The following PALS2 variants were observed in gnomAD, a reference collection of about 807,000 sequenced individuals.
PALS2 encodes protein PALS2.
In PALS2, 27 loss-of-function variants were observed where a neutral mutation model predicts 61.6. The ratio of observed to expected loss-of-function variants is 0.44; its 90% confidence interval spans 0.32 to 0.60. PALS2 has a LOEUF of 0.60. Ranked by LOEUF, PALS2 falls within the 20% of genes least tolerant of loss-of-function variation. PALS2 has a pLI of 0.05. For synonymous variants in PALS2, 236 were observed against 218.6 expected, an observed-to-expected ratio of 1.08 and a Z score of -0.70; for missense variants, 554 against 639.4, an observed-to-expected ratio of 0.87 and a Z score of 1.44.
At chr7:24,681,010 G>T (rs537276796) in intron 11 of PALS2, among the ~76,000 whole-genome samples, 62 of 152,216 alleles carry the variant, frequency 4.1e-4, no homozygotes, top group African/African-American at 1.3e-3. Flanking sequence ...GAAAATCATT[G>T]TACACTTTAT....
chr7:24,623,902 A>G (rs553602600), intron 2 of PALS2, 118 bp downstream of exon 2: 3 of 965,360 alleles, frequency 3.1e-6, no homozygotes, highest in Non-Finnish European at 4.6e-6. Context: ...GTTAGCAAAT[A>G]AAAACATTCA....
chr7:24,589,157 G>A lies in PALS2; in HGVS notation c.-3+15564G>A, dbSNP rs1057390480. ...TTCTTTTAGTAGATACTTCCTGTCT[G>A]CTTTGTATACACATCAATTATATCT... On this transcript the variant is annotated intron_variant, in intron 1 of 11. Transcript: ENST00000222644. 3 of 152,058 alleles carry A rather than the reference G, an allele frequency of 2.0e-5. No individual in the cohort carries two copies. In the East Asian group the frequency reaches 5.8e-4, roughly 29 times the overall value. 9.4% of individuals were successfully genotyped at this position (152,058 alleles called of 1,614,324 possible).
At chr7:24,630,288 T>C (rs1041734871) in intron 2 of PALS2, among the ~76,000 whole-genome samples, 2 of 151,604 alleles carry the variant, frequency 1.3e-5, no homozygotes, top group African/African-American at 4.8e-5. Flanking sequence ...ATGAAGAACA[T>C]ATGGACACAG....
intron 1 of PALS2, among the ~76,000 whole-genome samples, chr7:24,616,700 TTTG>T (rs1784304416): frequency 6.6e-6 from 1 of 152,148 alleles, no homozygotes; most frequent in African/African-American, 2.4e-5. Context: ...CTCCTGTCAT[TTTG>T]TTGTTTTATT....
At chr7:24,681,004 A>T (rs1787896274) in intron 11 of PALS2, among the ~76,000 whole-genome samples, 1 of 152,228 alleles carries the variant, frequency 6.6e-6, no homozygotes, top group South Asian at 2.1e-4. Flanking sequence ...TTACTTGAAA[A>T]TCATTGTACA....
chr7:24,624,688 C>T (rs532702445), intron 2 of PALS2, among the ~76,000 whole-genome samples: 14 of 145,670 alleles, frequency 9.6e-5, no homozygotes, highest in African/African-American at 3.1e-4. Flanking sequence ...CTCACTGCAA[C>T]CTCTGCCTGC....
intron 9 of PALS2, among the ~76,000 whole-genome samples, chr7:24,677,954 G>T (rs897830845): frequency 6.6e-6 from 1 of 152,178 alleles, no homozygotes; most frequent in South Asian, 2.1e-4. Flanking sequence ...TATGTCTTAG[G>T]CTTATTAGAA....
intron 11 of PALS2, among the ~76,000 whole-genome samples, chr7:24,683,394 T>C (rs538746669): frequency 6.6e-6 from 1 of 152,204 alleles, no homozygotes; most frequent in Admixed American, 6.5e-5. Flanking sequence ...TTTGTTTTTT[T>C]AGTTTCATGA....
intron 5 of PALS2, among the ~76,000 whole-genome samples, chr7:24,655,977 T>G (rs1786395176): frequency 1.3e-5 from 2 of 152,204 alleles, no homozygotes; most frequent in South Asian, 4.1e-4. Context: ...ATCAAAAATG[T>G]GTGTGTACAT....
chr7:24,590,413 C>G (rs1420405499), intron 1 of PALS2, among the ~76,000 whole-genome samples: 1 of 152,118 alleles, frequency 6.6e-6, no homozygotes, highest in Non-Finnish European at 1.5e-5. Context: ...TCTTTGGCAC[C>G]TGTGGAAGCC....
chr7:24,637,552 A>AC (rs1311853425), intron 2 of PALS2, among the ~76,000 whole-genome samples: 1 of 152,148 alleles, frequency 6.6e-6, no homozygotes, highest in African/African-American at 2.4e-5. Flanking sequence ...ATAATAAGTA[A>AC]CTACTACATA....
chr7:24,636,067 C>T (rs1785221372), intron 2 of PALS2, among the ~76,000 whole-genome samples: 1 of 151,854 alleles, frequency 6.6e-6, no homozygotes, highest in Admixed American at 6.6e-5. Context: ...CAAAAATTAG[C>T]CAGGCATGGT....
intron 8 of PALS2, chr7:24,666,770 G>A (rs1318175434): frequency 6.6e-6 from 1 of 151,980 alleles, no homozygotes; most frequent in African/African-American, 2.4e-5. Flanking sequence ...TGTAAAATAA[G>A]ACCCCAGACC....
chr7:24,626,864 T>G (rs2128059726), intron 2 of PALS2, among the ~76,000 whole-genome samples: 1 of 152,258 alleles, frequency 6.6e-6, no homozygotes, highest in African/African-American at 2.4e-5. Context: ...GCTCCCAGAT[T>G]CATAAAGCAA....
intron 11 of PALS2, among the ~76,000 whole-genome samples, chr7:24,682,109 A>G (rs909894572): frequency 1.3e-5 from 2 of 152,098 alleles, no homozygotes; most frequent in African/African-American, 2.4e-5. Context: ...TGTTTTTTTC[A>G]GGTCTCACTT....
chr7:24,575,199 T>C (rs1782599402), intron 1 of PALS2, among the ~76,000 whole-genome samples: 1 of 152,186 alleles, frequency 6.6e-6, no homozygotes, highest in Non-Finnish European at 1.5e-5. Flanking sequence ...ACCATCTTTA[T>C]GAAAGAGGTG....
intron 9 of PALS2, among the ~76,000 whole-genome samples, chr7:24,676,078 G>A (rs965400695): frequency 2.0e-5 from 3 of 149,014 alleles, no homozygotes; most frequent in South Asian, 4.2e-4. Context: ...TTTAATGATT[G>A]CCATTCTAAC....
intron 3 of PALS2, among the ~76,000 whole-genome samples, chr7:24,644,637 T>A (rs763448450): frequency 4.1e-4 from 62 of 152,242 alleles, no homozygotes; most frequent in Non-Finnish European, 7.9e-4. Flanking sequence ...GGTAGGAAGA[T>A]TTATATTCCT....
intron 1 of PALS2, among the ~76,000 whole-genome samples, chr7:24,600,897 A>G (rs1016234717): frequency 1.3e-5 from 2 of 152,100 alleles, no homozygotes; most frequent in African/African-American, 2.4e-5. Context: ...CAGCATGCAA[A>G]CTAGTAACTA....
Sources: gnomAD v4.1 joint callset for allele counts (sites outside exome capture counted in the v4.1 genomes callset) on GRCh38, gnomAD v4.1.1 for gene constraint, MANE v1.5 for transcripts, NCBI Gene and HGNC (gene_info 2026-07-23, HGNC 2026-07-21) for gene names.